CSMD1: variants seen among roughly 807,000 people sequenced by gnomAD.
CSMD1 encodes the protein CUB and sushi domain-containing protein 1.
Under a neutral mutation model 417.5 loss-of-function variants are expected in CSMD1, and 213 were observed. The observed-to-expected ratio is 0.51, with a 90% CI of 0.46 to 0.57. The LOEUF is 0.57. Ranked by LOEUF, CSMD1 falls within the 20% of genes least tolerant of loss-of-function variation. The pLI is 0.00. For synonymous variants in CSMD1, 2,862 were observed against 1,736.8 expected, an observed-to-expected ratio of 1.65 and a Z score of -16.11; for missense variants, 6,923 against 4,529.7, an observed-to-expected ratio of 1.53 and a Z score of -15.17.
chr8:3,140,039 A>T (rs1053351820), intron 41 of CSMD1, among the ~76,000 whole-genome samples: 1 of 151,584 alleles, frequency 6.6e-6, no homozygotes, highest in Non-Finnish European at 1.5e-5. Context: ...AGTAGCTGGG[A>T]TTACAGGCGC....
chr8:3,218,701 G>A (rs898365086), intron 29 of CSMD1, among the ~76,000 whole-genome samples: 1 of 151,796 alleles, frequency 6.6e-6, no homozygotes, highest in African/African-American at 2.4e-5. Flanking sequence ...ATGAAACCCA[G>A]TCTCTACTAA....
At chr8:3,248,234 G>C (rs186778411) in intron 26 of CSMD1, among the ~76,000 whole-genome samples, 25 of 152,256 alleles carry the variant, frequency 1.6e-4, no homozygotes, top group African/African-American at 6.0e-4. Context: ...ACTGTAATAG[G>C]AAGAATGAAA....
intron 1 of CSMD1, among the ~76,000 whole-genome samples, chr8:4,899,456 G>A (rs17071791): frequency 9.9e-5 from 15 of 152,144 alleles, no homozygotes; most frequent in East Asian, 5.8e-4. Context: ...ATGTAGATAC[G>A]CATGTCCATA....
At chr8:3,656,765 A>C (rs1798131712) in intron 7 of CSMD1, among the ~76,000 whole-genome samples, 1 of 152,032 alleles carries the variant, frequency 6.6e-6, no homozygotes, top group Non-Finnish European at 1.5e-5. Context: ...ATCTCTACTA[A>C]AAATCCAAAA....
chr8:4,979,483 G>C lies in CSMD1; in HGVS notation c.85+14849C>G, dbSNP rs898311374. On this transcript the variant is annotated intron_variant, in intron 1 of 69. Coordinates refer to ENST00000635120, the MANE Select transcript of CSMD1 (RefSeq NM_033225.6). ...AAAGGTACCTTTAGAACACTTGAGT[G>C]TGTGAAAGCTAAGGGAAATTATTTC... 5.3e-5 allele frequency among the ~76,000 whole-genome samples: 8 copies of C among 152,140 alleles called. No individual in the cohort carries two copies. In the South Asian group the frequency reaches 1.7e-3, roughly 31 times the overall value.
intron 1 of CSMD1, among the ~76,000 whole-genome samples, chr8:4,769,731 CAGGTA>C (rs1796509749): frequency 6.6e-6 from 1 of 152,142 alleles, no homozygotes; most frequent in Non-Finnish European, 1.5e-5. Context: ...AAGTCCAAAC[CAGGTA>C]AGTCAAGGCA....
chr8:4,382,790 C>A lies in CSMD1; in HGVS notation c.415+37163G>T, dbSNP rs530764589. Among the ~76,000 whole-genome samples the A allele has an allele frequency of 2.6e-5, 4 of 152,162 alleles. No individual in the cohort carries two copies. The East Asian group carries it at 7.7e-4, about 29-fold the overall frequency. On this transcript the variant is annotated intron_variant, in intron 3 of 69. Transcript: ENST00000635120. ...AGAAACACAAAATAATAATGATGGC[C>A]CCTCAGTGTCAGATGCATTAAACCA... is the stretch of plus-strand genomic sequence containing the variant.
intron 1 of CSMD1, among the ~76,000 whole-genome samples, chr8:4,842,778 C>G (rs1042316797): frequency 2.0e-5 from 3 of 152,194 alleles, no homozygotes; most frequent in Non-Finnish European, 2.9e-5. Flanking sequence ...AATTAATAGT[C>G]ACATTACACA....
At position 3,612,102 on chromosome 8, in the gene CSMD1, A is replaced by G. The variant is rs1431212695; in HGVS notation, c.1097+4608T>C. Among the ~76,000 whole-genome samples the G allele has an allele frequency of 5.9e-5, 9 of 152,254 alleles. No homozygotes were observed. The South Asian group carries it at 1.7e-3, about 28-fold the overall frequency. Reference sequence around the variant, plus strand: ...CAACAGATTGAATATAGAAACATATATAACAATCCATATATTATAGACTAA... The same window carrying G: ...CAACAGATTGAATATAGAAACATATGTAACAATCCATATATTATAGACTAA... On this transcript the variant is annotated intron_variant, in intron 8 of 69. Coordinates refer to ENST00000635120, the MANE Select transcript of CSMD1 (RefSeq NM_033225.6).
intron 5 of CSMD1, among the ~76,000 whole-genome samples, chr8:3,805,095 CCA>C (rs74522145): frequency 0.22 from 32,766 of 151,982 alleles, 4,314 homozygotes; most frequent in East Asian, 0.29. Flanking sequence ...TACGGGAACC[CCA>C]CTGTTATGAA....
chr8:3,971,883 G>C (rs971872630), intron 5 of CSMD1, among the ~76,000 whole-genome samples: 2 of 152,030 alleles, frequency 1.3e-5, no homozygotes, highest in South Asian at 4.1e-4. Context: ...TTTCTTTGTT[G>C]ATTTTTTTGT....
chr8:4,650,801 A>G (rs538008937), intron 1 of CSMD1, among the ~76,000 whole-genome samples: 12 of 152,222 alleles, frequency 7.9e-5, no homozygotes, highest in African/African-American at 2.9e-4. Context: ...ATTCTTCTTT[A>G]TTTTACCCAA....
At chr8:3,108,806 T>G (rs3802292) in intron 43 of CSMD1, 58 bp from the exon 44 acceptor site, 14 of 1,517,162 alleles carry the variant, frequency 9.2e-6, no homozygotes, top group Non-Finnish European at 1.2e-5. Flanking sequence ...GTGAGATTTA[T>G]GGAAACTTTG....
intron 5 of CSMD1, among the ~76,000 whole-genome samples, chr8:3,770,579 A>G (rs1032799408): frequency 4.6e-5 from 7 of 152,162 alleles, no homozygotes; most frequent in African/African-American, 1.7e-4. Flanking sequence ...GAACATTAAG[A>G]GGCCTGTCGC....
intron 40 of CSMD1, among the ~76,000 whole-genome samples, chr8:3,144,796 G>GT (rs1554440506): frequency 2.5e-5 from 3 of 120,962 alleles, no homozygotes; most frequent in Non-Finnish European, 5.1e-5. Flanking sequence ...AGGCAACAAG[G>GT]GGGGGGGGGA....
In CSMD1 at chr8:4,565,862, T is replaced by G. The variant is rs892167972; in HGVS notation, c.302+71480A>C. On this transcript the variant is annotated intron_variant, in intron 2 of 69. Coordinates refer to ENST00000635120, the MANE Select transcript of CSMD1 (RefSeq NM_033225.6). Reference sequence around the variant, plus strand: ...ACACACAAATTTAGTCATTCCAGATTTTCTTCTTCTGTTGAAAGAAATATT... The same window carrying G: ...ACACACAAATTTAGTCATTCCAGATGTTCTTCTTCTGTTGAAAGAAATATT... Among the ~76,000 whole-genome samples the G allele has an allele frequency of 6.7e-4, 100 of 149,324 alleles. 1 individual carries two copies. Among genetic ancestry groups the G allele is most frequent in the African/African-American group, 2.3e-3 (93 of 40,694 alleles).
intron 26 of CSMD1, among the ~76,000 whole-genome samples, chr8:3,267,805 C>T (rs141074321): frequency 4.6e-5 from 7 of 152,154 alleles, no homozygotes; most frequent in South Asian, 2.1e-4. Context: ...GTGCAGAGGC[C>T]GGGGCTGATG....
At chr8:3,975,012 T>C (rs1014732662) in intron 5 of CSMD1, among the ~76,000 whole-genome samples, 6 of 152,284 alleles carry the variant, frequency 3.9e-5, no homozygotes, top group Admixed American at 2.6e-4. Context: ...GCAGTGAAAA[T>C]GGAATATAAA....
intron 52 of CSMD1, among the ~76,000 whole-genome samples, chr8:3,018,246 T>C (rs1809029560): frequency 6.6e-6 from 1 of 152,230 alleles, no homozygotes; most frequent in Non-Finnish European, 1.5e-5. Flanking sequence ...TCAGCACTCT[T>C]GCAAGATTGC....
Sources: allele counts gnomAD v4.1 joint callset (sites outside exome capture counted in the v4.1 genomes callset), GRCh38; gene constraint gnomAD v4.1.1; transcripts MANE v1.5; gene names NCBI Gene and HGNC (gene_info 2026-07-23, HGNC 2026-07-21).